Variants in AKAP12 observed in about 807,000 individuals in gnomAD.
AKAP12 encodes A-kinase anchor protein 12.
Under a neutral mutation model 79.9 loss-of-function variants are expected in AKAP12, and 32 were observed. The ratio of observed to expected loss-of-function variants is 0.40; its 90% CI spans 0.30 to 0.54. AKAP12 has a LOEUF of 0.54. Ranked by LOEUF, AKAP12 falls within the 20% of genes least tolerant of loss-of-function variation. The pLI is 0.48. For synonymous variants in AKAP12, 808 were observed against 857.0 expected, an observed-to-expected ratio of 0.94 and a Z score of 1.00; for missense variants, 2,074 against 2,177.0, an observed-to-expected ratio of 0.95 and a Z score of 0.94.
At chr6:151,339,520 A>G (rs539640984) in intron 3 of AKAP12, among the ~76,000 whole-genome samples, 3 of 151,582 alleles carry the variant, frequency 2.0e-5, no homozygotes, top group Non-Finnish European at 4.4e-5. Context: ...AGCCTCCCCC[A>G]ACCCTTATCA....
At chr6:151,325,821 C>T (rs1190690728) in intron 3 of AKAP12, 1 of 1,613,974 alleles carries the variant, frequency 6.2e-7, no homozygotes. Flanking sequence ...GGGCAGGGAC[C>T]CGCTAAGCTG....
At position 151,322,144 on chromosome 6, in the gene AKAP12, G is replaced by A. The variant is rs896172476; in HGVS notation, c.319+16241G>A. Among the ~76,000 whole-genome samples the A allele has an allele frequency of 1.3e-3, 190 of 151,986 alleles. 1 individual carries two copies. The highest frequency in any genetic ancestry group is 4.2e-3 in the African/African-American group (173 of 41,448). On this transcript the variant is annotated intron_variant, in intron 3 of 4. Transcript: ENST00000402676. ...AGGCTGGTCTCGAACTCCTGATCTC[G>A]TGATCTGCCCACCTCAGCCTCCCAA...
chr6:151,245,952 G>GTAAA, intron 2 of AKAP12, among the ~76,000 whole-genome samples: 1 of 152,284 alleles, frequency 6.6e-6, no homozygotes, highest in East Asian at 1.9e-4. Flanking sequence ...GGTTTTGGAT[G>GTAAA]TCTTTTCATA....
Position 151,351,428 on chromosome 6 carries a change from C to G in AKAP12, c.3037C>G (p.Pro1013Ala). Reference sequence around the variant, plus strand: ...AGCAGTCTCCCAGTTAACCGACTCCCCAGACACCACAGAGGAGGCCACTCC... The same window carrying G: ...AGCAGTCTCCCAGTTAACCGACTCCGCAGACACCACAGAGGAGGCCACTCC... Reference protein sequence around the residue: ...VSAVSQLTDSPDTTEEATPVQ... With the variant: ...VSAVSQLTDSADTTEEATPVQ... The change falls in exon 4 of 5, where the codon CCA (proline) becomes GCA (alanine). Residue 1013 changes from proline (P) to alanine (A), a missense_variant. By Grantham distance (27) the Pro-to-Ala change is conservative (BLOSUM62 -1). Transcript: ENST00000402676. The surrounding 1 kb of genome is among the most constrained non-coding windows in gnomAD (Gnocchi z 4.4). 1.2e-6 allele frequency: 2 copies of G among 1,614,194 alleles called. No homozygotes were observed. The highest frequency in any genetic ancestry group is 1.1e-5 in the South Asian group (1 of 91,084).
chr6:151,312,965 A>G (rs1268703473), intron 3 of AKAP12, among the ~76,000 whole-genome samples: 1 of 152,176 alleles, frequency 6.6e-6, no homozygotes, highest in Non-Finnish European at 1.5e-5. Context: ...ATATGAATAA[A>G]TGAAGACACA....
chr6:151,302,811 AT>A (rs543695002), intron 2 of AKAP12, among the ~76,000 whole-genome samples: 70 of 152,318 alleles, frequency 4.6e-4, no homozygotes, highest in Non-Finnish European at 8.5e-4. Context: ...CCACGATAAT[AT>A]GTGATTCCTG....
intron 4 of AKAP12, among the ~76,000 whole-genome samples, chr6:151,354,347 A>ACATAATACAAGACC (rs11273060): frequency 0.12 from 18,194 of 147,182 alleles, 2,211 homozygotes; most frequent in African/African-American, 0.31. Context: ...GTTGCTAGTA[A>ACATAATACAAGACC]CTCCCCATCT....
intron 2 of AKAP12, among the ~76,000 whole-genome samples, chr6:151,290,693 C>T (rs762544450): frequency 6.6e-6 from 1 of 151,988 alleles, no homozygotes; most frequent in Non-Finnish European, 1.5e-5. Context: ...GCAACCTCTG[C>T]CTCCCAGGTT....
chr6:151,245,597 A>G (rs1320530648), intron 2 of AKAP12, among the ~76,000 whole-genome samples: 1 of 137,270 alleles, frequency 7.3e-6, no homozygotes, highest in East Asian at 2.3e-4. Flanking sequence ...GGGAGCCGAG[A>G]TGGCACCACT....
At chr6:151,311,871 C>G (rs1777112264) in intron 3 of AKAP12, among the ~76,000 whole-genome samples, 1 of 152,132 alleles carries the variant, frequency 6.6e-6, no homozygotes, top group African/African-American at 2.4e-5. Context: ...TTCTTCTTTG[C>G]TTTGAACATT....
Position 151,352,187 on chromosome 6 carries a change from G to A in AKAP12, c.3796G>A (p.Glu1266Lys), listed in dbSNP as rs964619859. 1.2e-6 allele frequency: 2 copies of A among 1,614,182 alleles called. No homozygotes were observed. Among genetic ancestry groups the A allele is most frequent in the Admixed American group, 3.3e-5 (2 of 60,024 alleles). The change falls in exon 4 of 5, where the codon GAG becomes AAG. Residue 1266 changes from glutamate (E) to lysine (K), a missense_variant. Physicochemically the swap from Glu to Lys is moderately conservative, Grantham distance 56 (BLOSUM62 1). Transcript: ENST00000402676. ...TCTGTCAAAGACTGAGGGGACTCAAGAGGCTGACCAGTATGCTGATGAGAA... is the reference window on the plus strand; with the variant it reads ...TCTGTCAAAGACTGAGGGGACTCAAAAGGCTGACCAGTATGCTGATGAGAA... ...SILSKTEGTQ[E>K]ADQYADEKTK...
At chr6:151,302,878 T>C (rs1582867962) in intron 2 of AKAP12, among the ~76,000 whole-genome samples, 1 of 152,206 alleles carries the variant, frequency 6.6e-6, no homozygotes. Context: ...CCTGTGTACA[T>C]ACTCAATGAT....
chr6:151,354,522 C>T (rs556765017), intron 4 of AKAP12, among the ~76,000 whole-genome samples: 1 of 151,940 alleles, frequency 6.6e-6, no homozygotes, highest in East Asian at 2.0e-4. Flanking sequence ...TACAGGTGCC[C>T]GCCACCATAC....
At chr6:151,330,912 A>C (rs955816131) in intron 3 of AKAP12, among the ~76,000 whole-genome samples, 2 of 152,204 alleles carry the variant, frequency 1.3e-5, no homozygotes, top group African/African-American at 4.8e-5. Flanking sequence ...ACTGTAGCTT[A>C]GCCCTTCTTG....
intron 2 of AKAP12, among the ~76,000 whole-genome samples, chr6:151,250,497 C>T (rs1321069442): frequency 6.6e-6 from 1 of 150,890 alleles, no homozygotes; most frequent in Non-Finnish European, 1.5e-5. Flanking sequence ...GAGACTCCAT[C>T]TTAAAATAAA....
At chr6:151,242,533 A>G (rs1470306959) in intron 2 of AKAP12, among the ~76,000 whole-genome samples, 3 of 152,220 alleles carry the variant, frequency 2.0e-5, no homozygotes, top group African/African-American at 7.2e-5. Context: ...GAATGTATTT[A>G]GTTTTCATTT....
intron 3 of AKAP12, among the ~76,000 whole-genome samples, chr6:151,343,101 C>T (rs940166616): frequency 2.6e-5 from 4 of 152,152 alleles, no homozygotes; most frequent in East Asian, 1.9e-4. Flanking sequence ...AGCTGGTTCA[C>T]GAACCTTTAT....
intron 2 of AKAP12, among the ~76,000 whole-genome samples, chr6:151,275,959 G>A (rs760476346): frequency 2.1e-4 from 32 of 152,196 alleles, no homozygotes; most frequent in Non-Finnish European, 3.5e-4. Flanking sequence ...TAATTGGTTA[G>A]CATTTATCTT....
At chr6:151,300,275 TCCCACGAAGGCCAC>T (rs1225997576) in intron 2 of AKAP12, among the ~76,000 whole-genome samples, 1 of 152,168 alleles carries the variant, frequency 6.6e-6, no homozygotes. Context: ...TCTGGTTCCT[TCCCACGAAGGCCAC>T]TTACAGGTTT....
Sources: gnomAD v4.1 joint callset for allele counts (sites outside exome capture counted in the v4.1 genomes callset) on GRCh38, gnomAD v4.1.1 for gene constraint, Gnocchi (gnomAD v3.1) non-coding constraint, MANE v1.5 for transcripts, NCBI Gene and HGNC (gene_info 2026-07-23, HGNC 2026-07-21) for gene names.